FAM107B: variants seen among roughly 807,000 people sequenced by gnomAD.
FAM107B encodes the protein family with sequence similarity 107 member B, also known as protein FAM107B.
A neutral mutation model predicts 31.5 loss-of-function variants in FAM107B; 21 were observed. That is an observed-to-expected ratio of 0.67 (90% CI 0.47 to 0.96). FAM107B has a LOEUF of 0.96. FAM107B is among the 40% of genes least tolerant of loss of function. The probability of loss-of-function intolerance (pLI) is 0.00; values close to 1 mark genes in which losing one functional copy is unlikely to be tolerated. For missense variants in FAM107B, 452 were observed against 377.1 expected (o/e 1.20, Z -1.64); for synonymous variants, 157 against 141.5 (o/e 1.11, Z -0.78).
At chr10:14,728,716 C>T (rs1258373966) in intron 1 of FAM107B, among the ~76,000 whole-genome samples, 1 of 152,196 alleles carries the variant, frequency 6.6e-6, no homozygotes. Context: ...ATCAGCAAAA[C>T]ACTACATACA....
intron 3 of FAM107B, among the ~76,000 whole-genome samples, chr10:14,529,316 G>A (rs947293452): frequency 6.6e-6 from 1 of 152,134 alleles, no homozygotes. Flanking sequence ...CTAATATGCT[G>A]GGGATAAAAC....
At chr10:14,624,453 C>T (rs7917399) in intron 2 of FAM107B, among the ~76,000 whole-genome samples, 147,280 of 152,210 alleles carry the variant, frequency 0.97, 71,460 homozygotes, top group Middle Eastern at 1. Context: ...CTGGCCAAAA[C>T]GGTGAAACCC....
chr10:14,610,142 G>A (rs1405949361), intron 2 of FAM107B, among the ~76,000 whole-genome samples: 1 of 152,174 alleles, frequency 6.6e-6, no homozygotes, highest in Non-Finnish European at 1.5e-5. Flanking sequence ...AGGAGATTGA[G>A]ATCATCCTGG....
intron 2 of FAM107B, among the ~76,000 whole-genome samples, chr10:14,603,825 C>A (rs1249369855): frequency 6.6e-6 from 1 of 151,784 alleles, no homozygotes; most frequent in African/African-American, 2.4e-5. Flanking sequence ...GGCGTCGGGG[C>A]GCGACCCGGT....
chr10:14,539,239 A>G (rs1847936849), intron 2 of FAM107B, among the ~76,000 whole-genome samples: 1 of 152,246 alleles, frequency 6.6e-6, no homozygotes, highest in Non-Finnish European at 1.5e-5. Flanking sequence ...TGTGGAAGAA[A>G]GAAAATGACT....
intron 1 of FAM107B, among the ~76,000 whole-genome samples, chr10:14,759,823 T>G (rs1220092016): frequency 2.0e-5 from 3 of 152,234 alleles, no homozygotes; most frequent in Non-Finnish European, 4.4e-5. Flanking sequence ...GTGATTCTTG[T>G]GTCTCAGCCT....
At chr10:14,560,759 G>C (rs1272631338) in intron 2 of FAM107B, among the ~76,000 whole-genome samples, 1 of 152,166 alleles carries the variant, frequency 6.6e-6, no homozygotes, top group Admixed American at 6.5e-5. Flanking sequence ...AACTTAATCA[G>C]GGTGGCTCCT....
At chr10:14,697,279 C>A (rs1588712816) in intron 1 of FAM107B, among the ~76,000 whole-genome samples, 1 of 152,290 alleles carries the variant, frequency 6.6e-6, no homozygotes, top group Non-Finnish European at 1.5e-5. Context: ...CTCCTGAGAC[C>A]CCCCAACCCA....
At chr10:14,676,957 T>G (rs114006710) in intron 1 of FAM107B, among the ~76,000 whole-genome samples, 5,184 of 151,804 alleles carry the variant, frequency 0.034, 285 homozygotes, top group African/African-American at 0.12. Flanking sequence ...AAGCAGAGAG[T>G]CCTGGTCCCC....
rs572853646 is a variant in FAM107B, at chr10:14,744,358, G to T, written c.411+29895C>A. ...CTTTATTTCTTTCTCTTGCCTGATT[G>T]CCCTGACCAGAACTTCCAATACTAT... On this transcript the variant is annotated intron_variant, in intron 1 of 4. Transcript: ENST00000181796. Among the ~76,000 whole-genome samples the T allele has an allele frequency of 6.6e-5, 10 of 152,206 alleles. No individual in the cohort carries two copies. In the South Asian group the frequency reaches 1.9e-3, roughly 28 times the overall value.
intron 2 of FAM107B, among the ~76,000 whole-genome samples, chr10:14,643,107 A>G (rs1308611779): frequency 7.3e-6 from 1 of 136,858 alleles, no homozygotes; most frequent in Non-Finnish European, 1.6e-5. Flanking sequence ...GGAGATAGGT[A>G]GGTAGGTAGG....
intron 1 of FAM107B, among the ~76,000 whole-genome samples, chr10:14,672,107 T>TA (rs1554846857): frequency 0.014 from 1,495 of 109,206 alleles, 34 homozygotes; most frequent in African/African-American, 0.034. Context: ...TTTATTTATT[T>TA]TTTTTTTTGA....
At chr10:14,702,107 A>G (rs1265507301) in intron 1 of FAM107B, among the ~76,000 whole-genome samples, 1 of 152,246 alleles carries the variant, frequency 6.6e-6, no homozygotes, top group Non-Finnish European at 1.5e-5. Context: ...ACAACAATTA[A>G]TTTGTTCCAC....
intron 1 of FAM107B, among the ~76,000 whole-genome samples, chr10:14,702,407 G>A (rs1588715974): frequency 6.6e-6 from 1 of 152,138 alleles, no homozygotes; most frequent in Admixed American, 6.5e-5. Flanking sequence ...AGGCTGAAAT[G>A]CAATGGCACG....
At chr10:14,555,000 C>G (rs1849575496) in intron 2 of FAM107B, among the ~76,000 whole-genome samples, 1 of 149,656 alleles carries the variant, frequency 6.7e-6, no homozygotes, top group African/African-American at 2.4e-5. Flanking sequence ...CTGTCAATGT[C>G]AGACCGAAAT....
chr10:14,678,836 G>T (rs551227043), intron 1 of FAM107B, among the ~76,000 whole-genome samples: 1 of 152,214 alleles, frequency 6.6e-6, no homozygotes, highest in Non-Finnish European at 1.5e-5. Flanking sequence ...GAATACAGGC[G>T]TCTCCAGGCC....
At chr10:14,659,928 A>G (rs1228372951) in intron 2 of FAM107B, among the ~76,000 whole-genome samples, 2 of 152,158 alleles carry the variant, frequency 1.3e-5, no homozygotes. Flanking sequence ...CATTTCATCC[A>G]TTTTTAGGTA....
At chr10:14,752,025 G>A (rs776743462) in intron 1 of FAM107B, among the ~76,000 whole-genome samples, 9 of 152,178 alleles carry the variant, frequency 5.9e-5, no homozygotes, top group African/African-American at 9.7e-5. Flanking sequence ...AATACCCACT[G>A]GTTTCCCTAT....
intron 1 of FAM107B, among the ~76,000 whole-genome samples, chr10:14,718,401 A>G (rs1855830283): frequency 1.3e-5 from 2 of 149,042 alleles, no homozygotes; most frequent in African/African-American, 5.0e-5. Context: ...AAGGAAAGGA[A>G]GAAAGAAAGA....
Sources: allele counts gnomAD v4.1 joint callset (sites outside exome capture counted in the v4.1 genomes callset), GRCh38; gene constraint gnomAD v4.1.1; transcripts MANE v1.5; gene names NCBI Gene and HGNC (gene_info 2026-07-23, HGNC 2026-07-21).